Variants in JAML observed in about 807,000 individuals in gnomAD.
JAML encodes junctional adhesion molecule-like.
In JAML, 25 loss-of-function variants were observed where a neutral mutation model predicts 39.3. The ratio of observed to expected loss-of-function variants is 0.64; its 90% CI spans 0.46 to 0.89. JAML has a LOEUF of 0.89. Among genes scored for constraint, JAML ranks in the 40% least tolerant of loss-of-function variants. The probability of loss-of-function intolerance (pLI) is 0.00; values close to 1 mark genes in which losing one functional copy is unlikely to be tolerated. For missense variants in JAML, 440 were observed against 486.9 expected (o/e 0.90, Z 0.91); for synonymous variants, 162 against 179.2 (o/e 0.90, Z 0.77).
intron 4 of JAML, 53 bp downstream of exon 4, chr11:118,210,434 T>G: frequency 6.3e-7 from 1 of 1,576,706 alleles, no homozygotes; most frequent in Non-Finnish European, 8.7e-7. Flanking sequence ...CCTTGCCTCT[T>G]GCACATGAAA....
chr11:118,195,043 A>T (rs111379271), intron 9 of JAML, among the ~76,000 whole-genome samples: 58 of 152,210 alleles, frequency 3.8e-4, no homozygotes, highest in African/African-American at 1.4e-3. Flanking sequence ...CTAGCATTAA[A>T]CCTGGGGAAG....
intron 2 of JAML, chr11:118,212,932 T>C: frequency 6.2e-7 from 1 of 1,614,234 alleles, no homozygotes; most frequent in Non-Finnish European, 8.5e-7. Context: ...ACGAAATGGG[T>C]TGTTCCTTGC....
At chr11:118,209,791 G>A (rs535770928) in intron 4 of JAML, among the ~76,000 whole-genome samples, 19 of 151,854 alleles carry the variant, frequency 1.3e-4, no homozygotes, top group South Asian at 2.1e-4. Context: ...CTCCCACCTC[G>A]GGCTCCCAAA....
chr11:118,216,279 G>A (rs910315649), intron 1 of JAML, among the ~76,000 whole-genome samples: 3 of 151,734 alleles, frequency 2.0e-5, no homozygotes, highest in Non-Finnish European at 4.4e-5. Context: ...TGAGACAGGA[G>A]AATGGCGTGA....
intron 4 of JAML, among the ~76,000 whole-genome samples, chr11:118,209,496 G>A (rs1042088260): frequency 3.9e-5 from 6 of 152,124 alleles, no homozygotes; most frequent in Non-Finnish European, 8.8e-5. Context: ...GTGCAAAGAA[G>A]AGTTAGAAAG....
intron 1 of JAML, among the ~76,000 whole-genome samples, chr11:118,215,282 T>C (rs1949124887): frequency 6.6e-6 from 1 of 152,194 alleles, no homozygotes; most frequent in Non-Finnish European, 1.5e-5. Context: ...CCACTACCTG[T>C]ATGTTTCACA....
chr11:118,200,455 G>C lies in JAML; in HGVS notation c.911+19C>G. On this transcript the variant is annotated intron_variant, in intron 7 of 9. Transcript: ENST00000356289. ...GCACCCCCAGCCTCCCAATCCAAGG[G>C]GTGGGGGTAGCCCTGTACCTCTTAT... The C allele has an allele frequency of 6.2e-7, 1 of 1,613,500 alleles. No individual in the cohort carries two copies. Among genetic ancestry groups the C allele is most frequent in the Non-Finnish European group, 8.5e-7 (1 of 1,179,642 alleles).
At chr11:118,214,793 T>C (rs764104036) in intron 2 of JAML, 31 bp downstream of exon 2, 47 of 1,609,504 alleles carry the variant, frequency 2.9e-5, no homozygotes, top group East Asian at 4.5e-5. Flanking sequence ...AGAAATCAAA[T>C]ACCCCACGGA....
chr11:118,218,518 G>A (rs1949172496), intron 1 of JAML, among the ~76,000 whole-genome samples: 1 of 152,034 alleles, frequency 6.6e-6, no homozygotes, highest in African/African-American at 2.4e-5. Flanking sequence ...AAGACTATAA[G>A]CTCCATGAAG....
chr11:118,200,358 A>C, intron 7 of JAML, 116 bp downstream of exon 7: 4 of 1,271,922 alleles, frequency 3.1e-6, no homozygotes, highest in Non-Finnish European at 4.3e-6. Context: ...CCATTTAAAA[A>C]TACCCCCTTC....
intron 6 of JAML, chr11:118,202,085 G>C (rs78080063): frequency 6.6e-6 from 1 of 152,478 alleles, no homozygotes; most frequent in African/African-American, 2.4e-5. Context: ...CTAAGCTGGA[G>C]TAGAGGTAGA....
intron 3 of JAML, 63 bp downstream of exon 3, chr11:118,212,344 C>A: frequency 1.3e-6 from 2 of 1,569,180 alleles, no homozygotes; most frequent in South Asian, 2.3e-5. Context: ...ACTCTTACAC[C>A]ACTCTGTCCT....
chr11:118,224,159 A>G (rs1949236915), intron 1 of JAML: 1 of 152,208 alleles, frequency 6.6e-6, no homozygotes, highest in Non-Finnish European at 1.5e-5. Context: ...GCCATTGAAT[A>G]CAGACTGGTA....
chr11:118,206,041 A>C (rs763120969), intron 4 of JAML, 50 bp from the exon 5 acceptor site: 2 of 1,505,060 alleles, frequency 1.3e-6, no homozygotes, highest in Admixed American at 3.4e-5. Flanking sequence ...AATCTATAGA[A>C]GTCAAAGAAT....
intron 2 of JAML, among the ~76,000 whole-genome samples, chr11:118,214,459 T>G (rs1344579808): frequency 2.0e-5 from 3 of 152,180 alleles, no homozygotes; most frequent in Admixed American, 2.0e-4. Context: ...GAAAAACAGC[T>G]CTGGGTCTCT....
chr11:118,217,607 G>A (rs1949160646), intron 1 of JAML, among the ~76,000 whole-genome samples: 2 of 152,146 alleles, frequency 1.3e-5, no homozygotes, highest in South Asian at 4.1e-4. Context: ...TAAAAGATCA[G>A]ACCTTTTTCT....
At chr11:118,219,580 C>T (rs1351666665) in intron 1 of JAML, among the ~76,000 whole-genome samples, 1 of 152,246 alleles carries the variant, frequency 6.6e-6, no homozygotes, top group Non-Finnish European at 1.5e-5. Flanking sequence ...GCAGACAGTG[C>T]CTTCTCTGCT....
At chr11:118,207,817 C>A (rs1055741074) in intron 4 of JAML, among the ~76,000 whole-genome samples, 28 of 152,290 alleles carry the variant, frequency 1.8e-4, no homozygotes, top group African/African-American at 6.3e-4. Flanking sequence ...ATTGCCCTAG[C>A]CTGTTTCCAT....
chr11:118,200,718 G>C (rs1948774605), intron 6 of JAML, 106 bp from the exon 7 acceptor site: 3 of 1,342,520 alleles, frequency 2.2e-6, no homozygotes, highest in Admixed American at 3.8e-5. Context: ...GAAGCGGAGG[G>C]GAAGGCCAGA....
Sources: allele counts gnomAD v4.1 joint callset (sites outside exome capture counted in the v4.1 genomes callset), GRCh38; gene constraint gnomAD v4.1.1; transcripts MANE v1.5; gene names NCBI Gene and HGNC (gene_info 2026-07-23, HGNC 2026-07-21).